Variants in F13A1 observed in about 807,000 individuals in gnomAD.
F13A1 encodes coagulation factor XIII A chain.
A neutral mutation model predicts 80.1 loss-of-function variants in F13A1; 47 were observed. That is an observed-to-expected ratio of 0.59 (90% CI 0.46 to 0.75). The LOEUF (loss-of-function observed/expected upper bound fraction) is 0.75. F13A1 is among the 30% of genes least tolerant of loss of function. The probability of loss-of-function intolerance (pLI) is 0.00; values close to 1 mark genes in which losing one functional copy is unlikely to be tolerated. For synonymous variants in F13A1, 349 were observed against 344.9 expected, an observed-to-expected ratio of 1.01 and a Z score of -0.13; for missense variants, 817 against 930.4, an observed-to-expected ratio of 0.88 and a Z score of 1.59.
intron 10 of F13A1, among the ~76,000 whole-genome samples, chr6:6,193,602 G>A (rs1297050447): frequency 6.6e-6 from 1 of 152,226 alleles, no homozygotes; most frequent in Non-Finnish European, 1.5e-5. Flanking sequence ...TCTGCAGTGG[G>A]TGAGAAAGGA....
chr6:6,197,082 C>G, intron 9 of F13A1, 141 bp downstream of exon 9: 1 of 734,242 alleles, frequency 1.4e-6, no homozygotes, highest in Admixed American at 2.0e-5. Context: ...TGGAAGGTAG[C>G]TAATACTGTA....
intron 3 of F13A1, among the ~76,000 whole-genome samples, chr6:6,273,323 G>C (rs1171997349): frequency 6.6e-6 from 1 of 152,166 alleles, no homozygotes; most frequent in Non-Finnish European, 1.5e-5. Context: ...GCTGAACTGA[G>C]CTCTCTGCAA....
chr6:6,318,477 G>A (rs1583131008), intron 2 of F13A1, 58 bp downstream of exon 2: 2 of 1,564,276 alleles, frequency 1.3e-6, no homozygotes, highest in Non-Finnish European at 1.7e-6. Flanking sequence ...AGGGAAGAGG[G>A]GCCAGGGCCC....
intron 8 of F13A1, among the ~76,000 whole-genome samples, chr6:6,219,874 C>G (rs1757166675): frequency 6.6e-6 from 1 of 152,182 alleles, no homozygotes; most frequent in Non-Finnish European, 1.5e-5. Context: ...CATATTGCCT[C>G]TAAGAAATTC....
intron 7 of F13A1, among the ~76,000 whole-genome samples, chr6:6,222,963 C>T (rs3024479): frequency 0.041 from 6,248 of 152,302 alleles, 180 homozygotes; most frequent in Middle Eastern, 0.088. Context: ...GTGGCAGCTG[C>T]CACGGGCCTC....
chr6:6,182,183 T>G, intron 10 of F13A1, 42 bp from the exon 11 acceptor site: 1 of 1,611,178 alleles, frequency 6.2e-7, no homozygotes, highest in Non-Finnish European at 8.5e-7. Flanking sequence ...ATCACATGTC[T>G]GCTGTTGCCA....
chr6:6,242,222 C>A (rs1757492504), intron 6 of F13A1, among the ~76,000 whole-genome samples: 1 of 152,114 alleles, frequency 6.6e-6, no homozygotes, highest in Non-Finnish European at 1.5e-5. Context: ...GTACTGTGTC[C>A]TAGAAAAATC....
chr6:6,199,522 T>C (rs1761355074), intron 8 of F13A1, among the ~76,000 whole-genome samples: 1 of 150,932 alleles, frequency 6.6e-6, no homozygotes, highest in Admixed American at 6.6e-5. Context: ...AGTACTATTA[T>C]AATTACCCCC....
chr6:6,255,364 T>A (rs901157125), intron 4 of F13A1, among the ~76,000 whole-genome samples: 3 of 152,112 alleles, frequency 2.0e-5, no homozygotes, highest in Non-Finnish European at 4.4e-5. Context: ...ATTTCACTGA[T>A]GAGGAAACTG....
chr6:6,236,136 G>T (rs1757410876), intron 6 of F13A1, among the ~76,000 whole-genome samples: 1 of 152,100 alleles, frequency 6.6e-6, no homozygotes. Flanking sequence ...AGTGATGGGG[G>T]ATGGTACACA....
chr6:6,181,440 A>G (rs1260650758), intron 11 of F13A1, among the ~76,000 whole-genome samples: 1 of 152,230 alleles, frequency 6.6e-6, no homozygotes, highest in Non-Finnish European at 1.5e-5. Flanking sequence ...AAAAGTTAAC[A>G]AAAACCCACC....
At chr6:6,195,070 C>T (rs562752893) in intron 10 of F13A1, among the ~76,000 whole-genome samples, 76 of 152,348 alleles carry the variant, frequency 5.0e-4, no homozygotes, top group Middle Eastern at 3.4e-3. Context: ...TTCAAGTCTT[C>T]CTAGGCCGGC....
chr6:6,174,655 T>C lies in F13A1; in HGVS notation c.1672A>G (p.Ile558Val). The change falls in exon 12 of 15, where the codon ATC (isoleucine) becomes GTC (valine). Residue 558 changes from isoleucine (I) to valine (V), a missense_variant. By Grantham distance (29) the Ile-to-Val change is conservative. Transcript: ENST00000264870. ...YTITAYLSAN[I>V]TFYTGVPKAE... ...TTCGGGACCCCGGTGTAGAAGGTGA[T>C]GTTGGCTGAGAGATAAGCTGTGATG... The C allele has an allele frequency of 1.9e-6, 3 of 1,614,188 alleles. No homozygotes were observed. Among genetic ancestry groups the C allele is most frequent in the South Asian group, 1.1e-5 (1 of 91,072 alleles).
At chr6:6,160,632 C>T (rs563822604) in intron 13 of F13A1, among the ~76,000 whole-genome samples, 89 of 152,224 alleles carry the variant, frequency 5.8e-4, no homozygotes, top group African/African-American at 1.7e-3. Context: ...CCACTGCACC[C>T]GGCCTCTCTG....
intron 13 of F13A1, among the ~76,000 whole-genome samples, chr6:6,163,575 A>G (rs1056371665): frequency 6.6e-6 from 1 of 152,112 alleles, no homozygotes; most frequent in Non-Finnish European, 1.5e-5. Flanking sequence ...CCCACTTATA[A>G]GTGAGAACGT....
chr6:6,315,900 G>T (rs956160972), intron 2 of F13A1, among the ~76,000 whole-genome samples: 1 of 151,240 alleles, frequency 6.6e-6, no homozygotes, highest in Non-Finnish European at 1.5e-5. Context: ...AAAAATGAGT[G>T]TTCTTTCCAA....
rs1456401225 is a variant in F13A1, at chr6:6,167,607, C to T, written c.1759G>A (p.Ala587Thr). Residue 587 changes from alanine to threonine, a missense_variant, in exon 13 of 15, where the codon GCG becomes ACG. Coordinates refer to ENST00000264870, the MANE Select transcript of F13A1 (RefSeq NM_000129.4). ...TLEPLSFKKE[A>T]VLIQAGEYMG... Reference sequence around the variant, plus strand: ...TACTCGCCGGCTTGGATCAGCACCGCCTCTTTCTTGACTAGTAGGAGAAAA... The same window carrying T: ...TACTCGCCGGCTTGGATCAGCACCGTCTCTTTCTTGACTAGTAGGAGAAAA... 6.2e-7 allele frequency: 1 copy of T among 1,613,484 alleles called. No individual in the cohort carries two copies. Among genetic ancestry groups the T allele is most frequent in the African/African-American group, 1.3e-5 (1 of 74,966 alleles).
chr6:6,157,422 TA>T (rs1218804722), intron 13 of F13A1, among the ~76,000 whole-genome samples: 3 of 136,844 alleles, frequency 2.2e-5, no homozygotes, highest in Non-Finnish European at 4.7e-5. Context: ...AGAATACAGG[TA>T]AAAATAGAAA....
chr6:6,292,689 A>G (rs1348812370), intron 3 of F13A1, among the ~76,000 whole-genome samples: 1 of 152,242 alleles, frequency 6.6e-6, no homozygotes, highest in African/African-American at 2.4e-5. Context: ...TCCATGTTTT[A>G]TAGGGTTTGT....
Sources: gnomAD v4.1 joint callset for allele counts (sites outside exome capture counted in the v4.1 genomes callset) on GRCh38, gnomAD v4.1.1 for gene constraint, MANE v1.5 for transcripts, NCBI Gene and HGNC (gene_info 2026-07-23, HGNC 2026-07-21) for gene names.